Variants in ATG5 observed in about 807,000 individuals in gnomAD.
The protein encoded by ATG5 is autophagy protein 5.
A neutral mutation model predicts 36.5 loss-of-function variants in ATG5; 14 were observed. That is an observed-to-expected ratio of 0.38 (90% confidence interval 0.25 to 0.60). The LOEUF is 0.60. Ranked by LOEUF, ATG5 falls within the 20% of genes least tolerant of loss-of-function variation. The pLI, the probability that ATG5 is intolerant of heterozygous loss-of-function variation, is 0.60. For missense variants in ATG5, 195 were observed against 326.7 expected (o/e 0.60, Z 3.11); for synonymous variants, 95 against 101.5 (o/e 0.94, Z 0.38).
intron 6 of ATG5, among the ~76,000 whole-genome samples, chr6:106,240,560 CAG>C (rs1365959629): frequency 1.3e-5 from 2 of 151,702 alleles, no homozygotes; most frequent in Admixed American, 6.6e-5. Context: ...TACTAAAAAT[CAG>C]AGTTATAATG....
chr6:106,296,931 C>T (rs1769970696), intron 3 of ATG5, among the ~76,000 whole-genome samples: 1 of 152,174 alleles, frequency 6.6e-6, no homozygotes, highest in Non-Finnish European at 1.5e-5. Context: ...GAGAAAAAAA[C>T]TGACAGAGGA....
At chr6:106,256,063 C>A (rs991074468) in intron 5 of ATG5, among the ~76,000 whole-genome samples, 1 of 152,014 alleles carries the variant, frequency 6.6e-6, no homozygotes. Context: ...AGAAAGCAAG[C>A]CAAAGTCATA....
At chr6:106,197,916 C>T (rs148890432) in intron 7 of ATG5, among the ~76,000 whole-genome samples, 2 of 152,138 alleles carry the variant, frequency 1.3e-5, no homozygotes, top group East Asian at 3.9e-4. Context: ...GAAAAAAACA[C>T]AATACAGAGA....
intron 6 of ATG5, among the ~76,000 whole-genome samples, chr6:106,224,704 T>C (rs1215810389): frequency 6.6e-6 from 1 of 152,102 alleles, no homozygotes; most frequent in Non-Finnish European, 1.5e-5. Context: ...GGAGAAACCC[T>C]GTCTCCCCTG....
intron 6 of ATG5, among the ~76,000 whole-genome samples, chr6:106,204,125 T>C (rs1468931058): frequency 4.6e-5 from 7 of 152,036 alleles, no homozygotes; most frequent in Non-Finnish European, 1.0e-4. Context: ...ATACCTAACG[T>C]AGATGAGGGG....
chr6:106,272,211 T>G (rs1465375910), intron 5 of ATG5, among the ~76,000 whole-genome samples: 1 of 152,186 alleles, frequency 6.6e-6, no homozygotes, highest in Non-Finnish European at 1.5e-5. Context: ...TCAATTCCCA[T>G]TTGCTTCTTT....
chr6:106,248,349 AG>A, intron 5 of ATG5, 105 bp from the exon 6 acceptor site: 1 of 637,008 alleles, frequency 1.6e-6, no homozygotes, highest in South Asian at 2.7e-5. Context: ...AGTTTCTGAA[AG>A]GACATCACAT....
intron 4 of ATG5, among the ~76,000 whole-genome samples, chr6:106,283,089 C>A (rs949908878): frequency 2.6e-5 from 4 of 151,988 alleles, no homozygotes; most frequent in Non-Finnish European, 5.9e-5. Context: ...CTGCACCTGG[C>A]CTACACGGAT....
chr6:106,192,089 A>C (rs1382758187), intron 7 of ATG5, among the ~76,000 whole-genome samples: 1 of 152,150 alleles, frequency 6.6e-6, no homozygotes, highest in African/African-American at 2.4e-5. Context: ...AAAAATTCTT[A>C]AGTATTAGAA....
chr6:106,233,985 A>G (rs1318561830), intron 6 of ATG5, among the ~76,000 whole-genome samples: 5 of 152,170 alleles, frequency 3.3e-5, no homozygotes, highest in Non-Finnish European at 5.9e-5. Context: ...CACAACTGCT[A>G]TAACTCTGCC....
chr6:106,228,954 G>A (rs1018602356), intron 6 of ATG5, among the ~76,000 whole-genome samples: 5 of 152,212 alleles, frequency 3.3e-5, no homozygotes, highest in African/African-American at 7.2e-5. Context: ...CTGTCGTCCC[G>A]AACTCCCGGC....
chr6:106,208,174 A>T (rs1385137527), intron 6 of ATG5, among the ~76,000 whole-genome samples: 1 of 152,200 alleles, frequency 6.6e-6, no homozygotes, highest in Admixed American at 6.5e-5. Flanking sequence ...CCTGAACCTC[A>T]GTTTTTTCAA....
intron 6 of ATG5, among the ~76,000 whole-genome samples, chr6:106,243,563 G>C (rs1358174151): frequency 6.7e-6 from 1 of 149,866 alleles, no homozygotes; most frequent in Non-Finnish European, 1.5e-5. Context: ...GGGCGCAGTG[G>C]CTCACACTTG....
At chr6:106,235,570 C>A (rs566284353) in intron 6 of ATG5, among the ~76,000 whole-genome samples, 3 of 152,178 alleles carry the variant, frequency 2.0e-5, no homozygotes, top group Non-Finnish European at 2.9e-5. Flanking sequence ...CCTTTAAACA[C>A]TGGGCTTGCA....
intron 5 of ATG5, among the ~76,000 whole-genome samples, chr6:106,248,768 G>A (rs1346761110): frequency 3.3e-5 from 5 of 152,010 alleles, no homozygotes; most frequent in African/African-American, 4.8e-5. Flanking sequence ...GAGAAACCCC[G>A]TCTCTATTAA....
chr6:106,317,688 A>G (rs115891554), intron 1 of ATG5, among the ~76,000 whole-genome samples: 1 of 152,232 alleles, frequency 6.6e-6, no homozygotes, highest in East Asian at 1.9e-4. Context: ...TGTAAACTTC[A>G]TATCATTCCA....
chr6:106,250,317 T>C (rs1778523296), intron 5 of ATG5, among the ~76,000 whole-genome samples: 1 of 152,180 alleles, frequency 6.6e-6, no homozygotes, highest in Non-Finnish European at 1.5e-5. Flanking sequence ...TAGGCCTTCC[T>C]TACTCTAATC....
chr6:106,232,675 C>A (rs1222843745), intron 6 of ATG5, among the ~76,000 whole-genome samples: 1 of 152,084 alleles, frequency 6.6e-6, no homozygotes, highest in African/African-American at 2.4e-5. Context: ...GCAATAGCCC[C>A]TACAATAATC....
At chr6:106,253,626 T>G (rs990301317) in intron 5 of ATG5, among the ~76,000 whole-genome samples, 1 of 152,128 alleles carries the variant, frequency 6.6e-6, no homozygotes, top group Non-Finnish European at 1.5e-5. Context: ...CACTTTCACC[T>G]CTCTGAGCCA....
Sources: allele counts gnomAD v4.1 joint callset (sites outside exome capture counted in the v4.1 genomes callset), GRCh38; gene constraint gnomAD v4.1.1; transcripts MANE v1.5; gene names NCBI Gene and HGNC (gene_info 2026-07-23, HGNC 2026-07-21).